The following SLC44A1 variants were observed in gnomAD, a reference collection of about 807,000 sequenced individuals.
The protein encoded by SLC44A1 is solute carrier family 44 member 1, also known as choline transporter-like protein 1.
SLC44A1 carries 26 observed loss-of-function variants against 79.3 expected under a neutral mutation model. The observed-to-expected ratio is 0.33, with a 90% CI of 0.24 to 0.46. The LOEUF is 0.46. Ranked by LOEUF, SLC44A1 falls within the 20% of genes least tolerant of loss-of-function variation. The pLI, the probability that SLC44A1 is intolerant of heterozygous loss-of-function variation, is 1.00. For missense variants in SLC44A1, 688 were observed against 798.1 expected, an observed-to-expected ratio of 0.86 and a Z score of 1.66; for synonymous variants, 263 against 286.2, an observed-to-expected ratio of 0.92 and a Z score of 0.82.
chr9:105,397,273 T>C lies in SLC44A1; in HGVS notation c.*8217T>C, dbSNP rs1828894670. ...TGTACTGACTCAGTTGCCAGAATTA[T>C]AATGAAAACTGTATTTTAGTCTAAC... On this transcript the variant is annotated 3_prime_UTR_variant, in exon 16 of 16. Transcript: ENST00000374720. 9.1e-6 allele frequency: 9 copies of C among 984,264 alleles called. No homozygotes were observed. In the South Asian group the frequency reaches 3.8e-4, roughly 41 times the overall value. The allele number at this position is 984,264 out of a possible 1,614,324, so 61.0% of individuals were successfully genotyped here. A position where few individuals can be genotyped will look rare whatever the true frequency, so the allele number is the denominator to read the frequency against.
intron 3 of SLC44A1, among the ~76,000 whole-genome samples, chr9:105,311,274 G>A (rs574084590): frequency 1.5e-4 from 23 of 152,144 alleles, no homozygotes; most frequent in Non-Finnish European, 2.9e-4. Context: ...TTTGTAGATA[G>A]CATCTACTCT....
intron 1 of SLC44A1, among the ~76,000 whole-genome samples, chr9:105,281,681 A>G (rs1294132153): frequency 1.3e-5 from 2 of 152,190 alleles, no homozygotes; most frequent in Non-Finnish European, 2.9e-5. Context: ...GTGGATGACT[A>G]CTAGCTGGTC....
intron 3 of SLC44A1, among the ~76,000 whole-genome samples, chr9:105,323,087 G>T (rs1410087703): frequency 6.7e-6 from 1 of 150,284 alleles, no homozygotes; most frequent in Non-Finnish European, 1.5e-5. Flanking sequence ...GTGGTGGCGG[G>T]CACCTGTAAT....
intron 1 of SLC44A1, among the ~76,000 whole-genome samples, chr9:105,288,549 A>G (rs145738420): frequency 8.5e-5 from 13 of 152,136 alleles, no homozygotes; most frequent in African/African-American, 2.4e-4. Flanking sequence ...AGGTCTCACT[A>G]TGTTGCCCAG....
chr9:105,359,394 CA>C (rs1827716501), intron 7 of SLC44A1, among the ~76,000 whole-genome samples: 1 of 151,904 alleles, frequency 6.6e-6, no homozygotes, highest in Admixed American at 6.6e-5. Flanking sequence ...AAACAATAAT[CA>C]AATACAGAAA....
chr9:105,346,020 T>G (rs978803681), intron 4 of SLC44A1, among the ~76,000 whole-genome samples: 8 of 151,864 alleles, frequency 5.3e-5, no homozygotes, highest in Middle Eastern at 3.4e-3. Context: ...ACATACTACC[T>G]TCAAAATGTT....
chr9:105,389,067 C>T lies in SLC44A1; in HGVS notation c.*11C>T, dbSNP rs751730767. On this transcript the variant is annotated 3_prime_UTR_variant, in exon 16 of 16. Transcript: ENST00000374720. ...GCAAGTTCTGCTTGAACCTAGCCGA[C>T]GGTTATGGAAACCCATTGACATTCC... 71 of 1,612,738 alleles carry T rather than the reference C, an allele frequency of 4.4e-5. No individual in the cohort carries two copies. In the East Asian group the frequency reaches 6.2e-4, roughly 14 times the overall value.
At position 105,393,901 on chromosome 9, in the gene SLC44A1, G is replaced by A; in HGVS notation, c.*4845G>A. 1 of 985,036 alleles carries A rather than the reference G, an allele frequency of 1.0e-6. No individual in the cohort carries two copies. Among genetic ancestry groups the A allele is most frequent in the Non-Finnish European group, 1.2e-6 (1 of 829,592 alleles). 61.0% of individuals were successfully genotyped at this position (985,036 alleles called of 1,614,324 possible). On this transcript the variant is annotated 3_prime_UTR_variant, in exon 16 of 16. Transcript: ENST00000374720. ...TTATTAATGGTCTAGTGAAGATCTA[G>A]TTGAACATGGAAACATTGTAATTTA...
intron 1 of SLC44A1, among the ~76,000 whole-genome samples, chr9:105,291,018 T>G (rs1830590692): frequency 6.6e-6 from 1 of 152,208 alleles, no homozygotes; most frequent in South Asian, 2.1e-4. Flanking sequence ...TCCAGATCCT[T>G]GACAGAGCCT....
intron 8 of SLC44A1, among the ~76,000 whole-genome samples, chr9:105,362,321 T>G (rs1170682681): frequency 1.3e-5 from 2 of 152,174 alleles, no homozygotes; most frequent in Non-Finnish European, 2.9e-5. Context: ...TATACAGATA[T>G]TACAACAAAA....
rs1389708770 is a variant in SLC44A1, at chr9:105,389,438, A to G, written c.*382A>G. The G allele has an allele frequency of 2.9e-6, 3 of 1,031,794 alleles. No homozygotes were observed. Among genetic ancestry groups the G allele is most frequent in the Non-Finnish European group, 3.5e-6 (3 of 858,610 alleles). The allele number at this position is 1,031,794 out of a possible 1,614,324, so 63.9% of individuals were successfully genotyped here. A position where few individuals can be genotyped will look rare whatever the true frequency, so the allele number is the denominator to read the frequency against. On this transcript the variant is annotated 3_prime_UTR_variant, in exon 16 of 16. Transcript: ENST00000374720. ...AAAATTATTGTACCTAATTATGTCT[A>G]AAGTTTATTCAGGGGTAATTTCCCT... is the stretch of plus-strand genomic sequence containing the variant.
In SLC44A1 at chr9:105,395,984, CAG is replaced by C; in HGVS notation, c.*6929_*6930del. ...AGCTTTGGGGGCTGGTGATTTGAAACAGGGACTATTAAGTAGATTTTCCCCCA... is the reference window on the plus strand; with the variant it reads ...AGCTTTGGGGGCTGGTGATTTGAAACGGACTATTAAGTAGATTTTCCCCCA... On this transcript the variant is annotated 3_prime_UTR_variant, in exon 16 of 16. Transcript: ENST00000374720. 2 of 983,226 alleles carry C rather than the reference CAG, an allele frequency of 2.0e-6. No individual in the cohort carries two copies. The highest frequency in any genetic ancestry group is 4.7e-5 in the South Asian group (1 of 21,208). The allele number at this position is 983,226 out of a possible 1,614,324, so 60.9% of individuals were successfully genotyped here. A position where few individuals can be genotyped will look rare whatever the true frequency, so the allele number is the denominator to read the frequency against.
chr9:105,323,927 T>C (rs2131337114), intron 3 of SLC44A1, among the ~76,000 whole-genome samples: 1 of 152,340 alleles, frequency 6.6e-6, no homozygotes, highest in African/African-American at 2.4e-5. Context: ...TTGCATGTCC[T>C]TTTTTGCCCA....
At chr9:105,297,856 C>G (rs1830768658) in intron 1 of SLC44A1, among the ~76,000 whole-genome samples, 1 of 152,164 alleles carries the variant, frequency 6.6e-6, no homozygotes. Flanking sequence ...GCCCTTTCCT[C>G]CTGACAAGAC....
rs1564466314 is a variant in SLC44A1, at chr9:105,374,748, A to G, written c.1632+13A>G. ...ATTCCTTGGCAAGGTAAAACCAAGT[A>G]TTTTTTCTGCAACATACAGTAAAAT... On this transcript the variant is annotated intron_variant, in intron 13 of 15. Transcript: ENST00000374720. The G allele has an allele frequency of 1.3e-6, 2 of 1,593,496 alleles. No individual in the cohort carries two copies. The highest frequency in any genetic ancestry group is 2.2e-5 in the East Asian group (1 of 44,686).
chr9:105,396,903 G>C lies in SLC44A1; in HGVS notation c.*7847G>C, dbSNP rs1472953472. 1.0e-5 allele frequency: 10 copies of C among 984,976 alleles called. No homozygotes were observed. The highest frequency in any genetic ancestry group is 6.2e-5 in the Admixed American group (1 of 16,252). The allele number at this position is 984,976 out of a possible 1,614,324, so 61.0% of individuals were successfully genotyped here. A position where few individuals can be genotyped will look rare whatever the true frequency, so the allele number is the denominator to read the frequency against. On this transcript the variant is annotated 3_prime_UTR_variant, in exon 16 of 16. Coordinates refer to ENST00000374720, the MANE Select transcript of SLC44A1 (RefSeq NM_080546.5). ...TTTCTTATTACAGTGTCACTACACT[G>C]TATTCATGTGGGGGAACAAACATGT...
intron 15 of SLC44A1, among the ~76,000 whole-genome samples, chr9:105,408,285 A>C (rs1488582388): frequency 6.6e-6 from 1 of 152,252 alleles, no homozygotes; most frequent in Non-Finnish European, 1.5e-5. Flanking sequence ...TCAGGAAGAA[A>C]TGAAAGAACA....
downstream of SLC44A1, among the ~76,000 whole-genome samples, chr9:105,399,986 A>G (rs1364374763): frequency 6.6e-6 from 1 of 151,904 alleles, no homozygotes; most frequent in African/African-American, 2.4e-5. Context: ...ACCTGAGGTA[A>G]GGTGTTTGAG....
At position 105,397,049 on chromosome 9, in the gene SLC44A1, A is replaced by G. The variant is rs1234710783; in HGVS notation, c.*7993A>G. On this transcript the variant is annotated 3_prime_UTR_variant, in exon 16 of 16. Transcript: ENST00000374720. ...CTCTCAGAGGACTTTAAAAATATGT[A>G]TATTAAGCAATTAACTTTCTGGAGT... The G allele has an allele frequency of 7.1e-6, 7 of 984,864 alleles. No homozygotes were observed. The highest frequency in any genetic ancestry group is 6.1e-5 in the Admixed American group (1 of 16,266). 61.0% of individuals were successfully genotyped at this position (984,864 alleles called of 1,614,324 possible).
Sources: gnomAD v4.1 joint callset for allele counts (sites outside exome capture counted in the v4.1 genomes callset) on GRCh38, gnomAD v4.1.1 for gene constraint, MANE v1.5 for transcripts, NCBI Gene and HGNC (gene_info 2026-07-23, HGNC 2026-07-21) for gene names.